The following GABBR2 variants were observed in gnomAD, a reference collection of about 807,000 sequenced individuals.
GABBR2 encodes gamma-aminobutyric acid type B receptor subunit 2, also known as G-protein coupled receptor 51.
Under a neutral mutation model 105.6 loss-of-function variants are expected in GABBR2, and 23 were observed. The ratio of observed to expected loss-of-function variants is 0.22; its 90% confidence interval spans 0.16 to 0.31. GABBR2 has a LOEUF of 0.31. Among genes scored for constraint, GABBR2 ranks in the 10% least tolerant of loss-of-function variants. The pLI is 1.00. For missense variants in GABBR2, 734 were observed against 1,245.5 expected (o/e 0.59, Z 6.18); for synonymous variants, 478 against 499.7 (o/e 0.96, Z 0.58).
intron 7 of GABBR2, among the ~76,000 whole-genome samples, chr9:98,419,648 C>T (rs780604739): frequency 6.6e-6 from 1 of 152,212 alleles, no homozygotes; most frequent in African/African-American, 2.4e-5. Context: ...TCATGTTCAG[C>T]TTGATGCTGC....
intron 1 of GABBR2, among the ~76,000 whole-genome samples, chr9:98,704,842 C>G (rs1476972138): frequency 6.6e-6 from 1 of 151,518 alleles, no homozygotes; most frequent in Non-Finnish European, 1.5e-5. Context: ...ACATGGAGAA[C>G]ATTTCTGAAG....
chr9:98,612,859 G>C (rs753462281), intron 1 of GABBR2, among the ~76,000 whole-genome samples: 1 of 152,118 alleles, frequency 6.6e-6, no homozygotes, highest in Non-Finnish European at 1.5e-5. Flanking sequence ...AAGTAAAGGC[G>C]GGGGCCAGAG....
intron 7 of GABBR2, among the ~76,000 whole-genome samples, chr9:98,414,933 T>C (rs1832661100): frequency 6.6e-6 from 1 of 152,150 alleles, no homozygotes; most frequent in Non-Finnish European, 1.5e-5. Flanking sequence ...AATGATCACG[T>C]GGAAAGGCTA....
intron 1 of GABBR2, among the ~76,000 whole-genome samples, 170 bp from the exon 2 acceptor site, chr9:98,578,242 G>A (rs939867528): frequency 7.2e-5 from 11 of 152,178 alleles, no homozygotes; most frequent in African/African-American, 1.7e-4. Flanking sequence ...CTCCAGGAGT[G>A]TGGTCTTGGC....
intron 6 of GABBR2, among the ~76,000 whole-genome samples, chr9:98,468,788 T>C (rs1826609105): frequency 6.6e-6 from 1 of 152,108 alleles, no homozygotes; most frequent in Non-Finnish European, 1.5e-5. Context: ...CCACACCGGA[T>C]CTCTGGAGTA....
intron 3 of GABBR2, among the ~76,000 whole-genome samples, chr9:98,538,195 C>G (rs1828217670): frequency 6.6e-6 from 1 of 152,194 alleles, no homozygotes; most frequent in Non-Finnish European, 1.5e-5. Flanking sequence ...ATAAATAGCC[C>G]CATTTTACAC....
At chr9:98,562,680 G>C (rs961953688) in intron 2 of GABBR2, among the ~76,000 whole-genome samples, 3 of 152,164 alleles carry the variant, frequency 2.0e-5, no homozygotes, top group Non-Finnish European at 2.9e-5. Flanking sequence ...AAGGGTAAAT[G>C]ATGTTCATTG....
intron 8 of GABBR2, among the ~76,000 whole-genome samples, chr9:98,403,551 G>C (rs960549990): frequency 6.6e-6 from 1 of 151,866 alleles, no homozygotes; most frequent in African/African-American, 2.4e-5. Context: ...ATGAATTCTG[G>C]AATGAGATCA....
chr9:98,665,348 C>T (rs1042408666), intron 1 of GABBR2, among the ~76,000 whole-genome samples: 5 of 152,102 alleles, frequency 3.3e-5, no homozygotes, highest in South Asian at 2.1e-4. Flanking sequence ...TTGCATCTTG[C>T]GCCTCCCAAC....
intron 7 of GABBR2, among the ~76,000 whole-genome samples, chr9:98,430,005 G>A (rs1041304353): frequency 6.6e-6 from 1 of 152,156 alleles, no homozygotes; most frequent in East Asian, 1.9e-4. Context: ...TACTCCTTGA[G>A]GCTGGGCGTG....
At chr9:98,479,808 A>T (rs1826875181) in intron 5 of GABBR2, among the ~76,000 whole-genome samples, 1 of 152,172 alleles carries the variant, frequency 6.6e-6, no homozygotes, top group African/African-American at 2.4e-5. Context: ...TGATGACCTT[A>T]GTTGCCAGAC....
intron 1 of GABBR2, among the ~76,000 whole-genome samples, chr9:98,671,567 G>T (rs1316816436): frequency 6.6e-6 from 1 of 152,134 alleles, no homozygotes; most frequent in Non-Finnish European, 1.5e-5. Context: ...TCATTTAAGC[G>T]ACTGCCAGAC....
rs148524592 is a variant in GABBR2 at position 98,501,576 on chromosome 9, T to G, written c.631-5062A>C. Among the ~76,000 whole-genome samples the G allele has an allele frequency of 3.1e-3, 474 of 152,250 alleles. 3 individuals carry two copies. The highest frequency in any genetic ancestry group is 0.02 in the Middle Eastern group (6 of 294). ...CTGGGCTCAGTTCTGCTTGCCTTTA[T>G]CAGGGTAGCAGCAAAGTGGTTCACA... On this transcript the variant is annotated intron_variant, in intron 3 of 18. Transcript: ENST00000259455.
Position 98,436,386 on chromosome 9 carries a change from TATATATATATATATATATATAG to T in GABBR2, c.1236+17573_1236+17594del, listed in dbSNP as rs1474748042. On this transcript the variant is annotated intron_variant, in intron 7 of 18. Coordinates refer to ENST00000259455, the MANE Select transcript of GABBR2 (RefSeq NM_005458.8). ...ATATATATATATATATATATATATA[TATATATATATATATATATATAG>T]TATGGCGTTCTTTCTTCTACTACCA... Among the ~76,000 whole-genome samples the T allele has an allele frequency of 3.0e-3, 127 of 42,098 alleles. 14 individuals carry two copies. Among genetic ancestry groups the T allele is most frequent in the East Asian group, 0.013 (10 of 778 alleles). The allele number at this position is 42,098 out of a possible 152,430, so 27.6% of individuals were successfully genotyped here.
chr9:98,392,517 A>T (rs1035163447), intron 9 of GABBR2, among the ~76,000 whole-genome samples: 3 of 152,042 alleles, frequency 2.0e-5, no homozygotes, highest in African/African-American at 7.2e-5. Flanking sequence ...GAGTGTGGAG[A>T]CCATTCTGGT....
At chr9:98,550,632 A>G (rs965807757) in intron 2 of GABBR2, among the ~76,000 whole-genome samples, 2 of 152,140 alleles carry the variant, frequency 1.3e-5, no homozygotes, top group Non-Finnish European at 2.9e-5. Flanking sequence ...CCTGGACTCC[A>G]AAGACCTTGG....
intron 12 of GABBR2, among the ~76,000 whole-genome samples, chr9:98,363,265 C>T (rs1369678697): frequency 1.3e-5 from 2 of 152,126 alleles, no homozygotes; most frequent in Non-Finnish European, 1.5e-5. Flanking sequence ...TACTCCATAG[C>T]GCTTTGTCCA....
chr9:98,540,643 G>A (rs919970688), intron 3 of GABBR2, among the ~76,000 whole-genome samples: 2 of 152,128 alleles, frequency 1.3e-5, no homozygotes, highest in Non-Finnish European at 2.9e-5. Context: ...TGCCCCCACC[G>A]CTCCGGCTGA....
chr9:98,394,158 A>T lies in GABBR2; in HGVS notation c.1378+17T>A, dbSNP rs943033877. 7.5e-6 allele frequency: 12 copies of T among 1,592,062 alleles called. No homozygotes were observed. The Admixed American group carries it at 1.8e-4, about 24-fold the overall frequency. ...AACTGGGCAGGCCCCCTCCTCTGAG[A>T]AGCCCACCTGCCTTACCTTGGAACC... is the stretch of plus-strand genomic sequence containing the variant. On this transcript the variant is annotated intron_variant, in intron 9 of 18. Coordinates refer to ENST00000259455, the MANE Select transcript of GABBR2 (RefSeq NM_005458.8).
Sources: allele counts gnomAD v4.1 joint callset (sites outside exome capture counted in the v4.1 genomes callset), GRCh38; gene constraint gnomAD v4.1.1; transcripts MANE v1.5; gene names NCBI Gene and HGNC (gene_info 2026-07-23, HGNC 2026-07-21).